Variants in PHF14 observed in about 807,000 individuals in gnomAD.
PHF14 encodes the protein PHD finger protein 14.
Under a neutral mutation model 117.9 loss-of-function variants are expected in PHF14, and 55 were observed. The observed-to-expected ratio is 0.47, with a 90% CI of 0.38 to 0.58. The LOEUF is 0.58. Among genes scored for constraint, PHF14 ranks in the 20% least tolerant of loss-of-function variants. The pLI, the probability that PHF14 is intolerant of heterozygous loss-of-function variation, is 0.00. For missense variants in PHF14, 978 were observed against 1,122.2 expected (o/e 0.87, Z 1.84); for synonymous variants, 409 against 368.6 (o/e 1.11, Z -1.26).
At chr7:10,998,235 T>G (rs781082925) in intron 4 of PHF14, among the ~76,000 whole-genome samples, 52 of 152,134 alleles carry the variant, frequency 3.4e-4, no homozygotes, top group Non-Finnish European at 6.8e-4. Flanking sequence ...GTAGCTAGGT[T>G]GTTAGATGTG....
chr7:11,036,729 C>A (rs771867440), intron 9 of PHF14, 41 bp downstream of exon 9: 2 of 1,549,954 alleles, frequency 1.3e-6, no homozygotes, highest in Admixed American at 1.8e-5. Flanking sequence ...TCACTGAGAA[C>A]AATTTGTTAA....
In PHF14 at chr7:11,111,337, G is replaced by C; in HGVS notation, c.2655-13G>C. ...TTTAGATACACCTACCTATAAATCT[G>C]TTTACCCTGCAGGTGTGATGAATGC... On this transcript the variant is annotated splice_polypyrimidine_tract_variant and intron_variant, in intron 16 of 17. Coordinates refer to ENST00000634607, the MANE Select transcript of PHF14 (RefSeq NM_001007157.2). 1 of 1,384,542 alleles carries C rather than the reference G, an allele frequency of 7.2e-7. No individual in the cohort carries two copies. Among genetic ancestry groups the C allele is most frequent in the Non-Finnish European group, 1.0e-6 (1 of 979,552 alleles). The allele number at this position is 1,384,542 out of a possible 1,614,324, so 85.8% of individuals were successfully genotyped here.
chr7:11,149,770 T>G (rs890240132), intron 17 of PHF14, among the ~76,000 whole-genome samples: 2 of 151,944 alleles, frequency 1.3e-5, no homozygotes, highest in Non-Finnish European at 2.9e-5. Context: ...TGAATAGAGA[T>G]TCTCACTGAA....
At chr7:11,004,378 C>A (rs1376843359) in intron 4 of PHF14, among the ~76,000 whole-genome samples, 1 of 131,230 alleles carries the variant, frequency 7.6e-6, no homozygotes, top group Non-Finnish European at 1.6e-5. Flanking sequence ...GTTGCTTGCT[C>A]ATACATATAC....
intron 16 of PHF14, among the ~76,000 whole-genome samples, chr7:11,083,397 C>T (rs548366215): frequency 6.6e-6 from 1 of 152,038 alleles, no homozygotes; most frequent in Non-Finnish European, 1.5e-5. Context: ...TCCCCGCACT[C>T]CCACCCCGTA....
In PHF14 at chr7:11,151,213, C is replaced by T. The variant is rs1440987442; in HGVS notation, c.2773-18203C>T. On this transcript the variant is annotated intron_variant, in intron 17 of 17. Transcript: ENST00000634607. ...ACAATGTGGTTGCCACATAATGTCACTATGAAGTCACTGACTTCTGTGTAT... is the reference window on the plus strand; with the variant it reads ...ACAATGTGGTTGCCACATAATGTCATTATGAAGTCACTGACTTCTGTGTAT... 2.0e-5 allele frequency among the ~76,000 whole-genome samples: 3 copies of T among 152,198 alleles called. No homozygotes were observed. The East Asian group carries it at 5.8e-4, about 29-fold the overall frequency.
At chr7:11,045,142 TACTA>T (rs1784624196) in intron 13 of PHF14, among the ~76,000 whole-genome samples, 1 of 152,182 alleles carries the variant, frequency 6.6e-6, no homozygotes, top group African/African-American at 2.4e-5. Context: ...CTGTAGAAAT[TACTA>T]AATACTACAT....
rs220098 is a variant in PHF14 at position 11,065,172 on chromosome 7, G to T, written c.2654+3087G>T. Among the ~76,000 whole-genome samples the T allele has an allele frequency of 4.2e-3, 645 of 152,012 alleles. 2 individuals carry two copies. The highest frequency in any genetic ancestry group is 6.8e-3 in the Non-Finnish European group (461 of 67,884). ...GGCAATTTTATTTTTTTAAGTGCTG[G>T]TTTTTTGCCATCTACTTTTAAAATT... On this transcript the variant is annotated intron_variant, in intron 16 of 17. Transcript: ENST00000634607.
chr7:11,163,572 T>C (rs982247985), intron 17 of PHF14, among the ~76,000 whole-genome samples: 2 of 152,188 alleles, frequency 1.3e-5, no homozygotes, highest in Admixed American at 6.5e-5. Context: ...CTTTACTTAA[T>C]GATCCAAGTG....
chr7:11,039,626 A>G (rs889735104), intron 11 of PHF14, among the ~76,000 whole-genome samples: 1 of 152,124 alleles, frequency 6.6e-6, no homozygotes, highest in Admixed American at 6.5e-5. Flanking sequence ...TCGAACAGAT[A>G]TTTTTCATTA....
chr7:11,001,218 T>C (rs940971464), intron 4 of PHF14, among the ~76,000 whole-genome samples: 1 of 152,188 alleles, frequency 6.6e-6, no homozygotes, highest in African/African-American at 2.4e-5. Context: ...TCTTTGGGTC[T>C]TTTTCTGGGC....
intron 4 of PHF14, among the ~76,000 whole-genome samples, chr7:10,997,114 G>C (rs1199811505): frequency 6.6e-6 from 1 of 152,168 alleles, no homozygotes; most frequent in East Asian, 1.9e-4. Flanking sequence ...CTTTCTGTCT[G>C]TATTTAATGC....
At chr7:11,165,660 A>T (rs1323301520) in intron 17 of PHF14, among the ~76,000 whole-genome samples, 1 of 152,208 alleles carries the variant, frequency 6.6e-6, no homozygotes, top group Non-Finnish European at 1.5e-5. Flanking sequence ...GGCCATTGTT[A>T]GGAGTTGGTT....
chr7:11,142,974 G>C (rs902457694), intron 17 of PHF14, among the ~76,000 whole-genome samples: 5 of 152,054 alleles, frequency 3.3e-5, no homozygotes, highest in Non-Finnish European at 7.4e-5. Flanking sequence ...CTTATATCTT[G>C]TTGTACAGTG....
chr7:11,074,475 G>T (rs1326585458), intron 16 of PHF14, among the ~76,000 whole-genome samples: 1 of 152,134 alleles, frequency 6.6e-6, no homozygotes, highest in East Asian at 1.9e-4. Context: ...CTCCCAAAGT[G>T]CTGGGATTAC....
At position 11,056,997 on chromosome 7, in the gene PHF14, CAT is replaced by C. The variant is rs1180302523; in HGVS notation, c.2482-4793_2482-4792del. ...TTTTGGAATTTTGCCCATGAATAAGCATGTTCTATTTTTACATATAAGTTGCA... is the reference window on the plus strand; with the variant it reads ...TTTTGGAATTTTGCCCATGAATAAGCGTTCTATTTTTACATATAAGTTGCA... On this transcript the variant is annotated intron_variant, in intron 14 of 17. Transcript: ENST00000634607. Among the ~76,000 whole-genome samples, 7 of 151,906 alleles carry C rather than the reference CAT, an allele frequency of 4.6e-5. No homozygotes were observed. The East Asian group carries it at 1.3e-3, about 29-fold the overall frequency.
chr7:11,135,806 C>T (rs1395225237), intron 17 of PHF14, among the ~76,000 whole-genome samples: 1 of 152,102 alleles, frequency 6.6e-6, no homozygotes, highest in Non-Finnish European at 1.5e-5. Flanking sequence ...AATAAAATGA[C>T]AGCACCTTGT....
chr7:11,096,495 C>T (rs1786871929), intron 16 of PHF14, among the ~76,000 whole-genome samples: 1 of 151,992 alleles, frequency 6.6e-6, no homozygotes, highest in Non-Finnish European at 1.5e-5. Flanking sequence ...CCTGACAGTT[C>T]CACTTACAGG....
rs373694918 is a variant in PHF14 at position 11,045,425 on chromosome 7, G to T, written c.2312+2611G>T. The stretch of plus-strand genomic sequence containing the variant: ...TCTGAATGGCCGGTTTATTTTTGCT[G>T]TCTTTATGTTTTGCAAGCCTGTGGT... On this transcript the variant is annotated intron_variant, in intron 13 of 17. Transcript: ENST00000634607. Among the ~76,000 whole-genome samples the T allele has an allele frequency of 4.6e-5, 7 of 152,254 alleles. No homozygotes were observed. The East Asian group carries it at 9.7e-4, about 21-fold the overall frequency.
Sources: allele counts gnomAD v4.1 joint callset (sites outside exome capture counted in the v4.1 genomes callset), GRCh38; gene constraint gnomAD v4.1.1; transcripts MANE v1.5; gene names NCBI Gene and HGNC (gene_info 2026-07-23, HGNC 2026-07-21).